Variants in ITGAM observed in about 807,000 individuals in gnomAD.
The protein encoded by ITGAM is integrin subunit alpha M.
In ITGAM, 79 loss-of-function variants were observed where a neutral mutation model predicts 137.5. That is an observed-to-expected ratio of 0.57 (90% CI 0.48 to 0.69). The LOEUF is 0.69. Among genes scored for constraint, ITGAM ranks in the 30% least tolerant of loss-of-function variants. The pLI, the probability that ITGAM is intolerant of heterozygous loss-of-function variation, is 0.00. For missense variants in ITGAM, 1,343 were observed against 1,483.5 expected (o/e 0.91, Z 1.56); for synonymous variants, 583 against 592.3 (o/e 0.98, Z 0.23).
At position 31,321,565 on chromosome 16, in the gene ITGAM, A is replaced by G. The variant is rs1266167954; in HGVS notation, c.1940A>G (p.Glu647Gly). ...AATGATCAGGTGGTGAAAGGCAAGG[A>G]AGCCGGAGAGGTCAGAGTCTGCCTC... Reference protein sequence around the residue: ...ECNDQVVKGKEAGEVRVCLHV... With the variant: ...ECNDQVVKGKGAGEVRVCLHV... Residue 647 changes from glutamate (E) to glycine (G), a missense_variant, in exon 16 of 30, where the codon GAA becomes GGA. Coordinates refer to ENST00000544665, the MANE Select transcript of ITGAM (RefSeq NM_000632.4). 2 of 1,614,014 alleles carry G rather than the reference A, an allele frequency of 1.2e-6. No homozygotes were observed. Among genetic ancestry groups the G allele is most frequent in the Non-Finnish European group, 1.7e-6 (2 of 1,179,898 alleles).
At chr16:31,273,327 A>G (rs763142736) in intron 7 of ITGAM, 38 bp from the exon 8 acceptor site, 2 of 1,569,842 alleles carry the variant, frequency 1.3e-6, no homozygotes, top group South Asian at 2.4e-5. Flanking sequence ...TGTGTCATCT[A>G]CTTGCATTTG....
chr16:31,279,615 T>G (rs888176308), intron 12 of ITGAM, among the ~76,000 whole-genome samples: 6 of 152,244 alleles, frequency 3.9e-5, no homozygotes, highest in Non-Finnish European at 8.8e-5. Flanking sequence ...TTTGTTTAAG[T>G]TCTTTGTAGA....
At chr16:31,308,800 T>C in intron 14 of ITGAM, among the ~76,000 whole-genome samples, 1 of 152,056 alleles carries the variant, frequency 6.6e-6, no homozygotes. Flanking sequence ...GTGCTATAAA[T>C]TTCCCTCTAC....
intron 21 of ITGAM, 21 bp downstream of exon 21, chr16:31,325,643 C>G (rs963226314): frequency 1.3e-6 from 2 of 1,599,724 alleles, no homozygotes; most frequent in East Asian, 2.2e-5. Flanking sequence ...CTGGCTCCTC[C>G]CCTCCTTTTC....
rs1466841869 is a variant in ITGAM at position 31,324,012 on chromosome 16, C to CA, written c.2003-381dup. On this transcript the variant is annotated intron_variant, in intron 16 of 29. Transcript: ENST00000544665. This position sits in a 1 kb window ranked among gnomAD's most constrained non-coding sequence, Gnocchi z 4.5. ...TGGGCAAGAGAGTGAGATTCTGTCT[C>CA]AAAAAAGAAAATAAAAAATAAAAAG... 7.4e-6 allele frequency among the ~76,000 whole-genome samples: 1 copy of CA among 136,012 alleles called. No homozygotes were observed. The highest frequency in any genetic ancestry group is 2.1e-4 in the East Asian group (1 of 4,716). 89.2% of individuals were successfully genotyped at this position (136,012 alleles called of 152,430 possible).
At chr16:31,264,328 T>A (rs1447216533) in intron 2 of ITGAM, among the ~76,000 whole-genome samples, 1 of 151,980 alleles carries the variant, frequency 6.6e-6, no homozygotes, top group Admixed American at 6.6e-5. Flanking sequence ...ACACCTGTAA[T>A]CCCAGCTACT....
chr16:31,282,619 C>T (rs1018768357), intron 12 of ITGAM, among the ~76,000 whole-genome samples: 9 of 152,180 alleles, frequency 5.9e-5, no homozygotes, highest in East Asian at 3.9e-4. Flanking sequence ...TGTCTCTGCA[C>T]GTGAGATGGG....
At chr16:31,326,636 C>T (rs1343562114) in intron 21 of ITGAM, among the ~76,000 whole-genome samples, 1 of 152,016 alleles carries the variant, frequency 6.6e-6, no homozygotes, top group Non-Finnish European at 1.5e-5. Context: ...AGGCTGGTCT[C>T]GAACTCCTGA....
At chr16:31,261,110 G>A (rs1294291999) in intron 1 of ITGAM, among the ~76,000 whole-genome samples, 1 of 152,068 alleles carries the variant, frequency 6.6e-6, no homozygotes, top group Non-Finnish European at 1.5e-5. Context: ...AACAGAGCTG[G>A]ACCTGGGAGG....
intron 14 of ITGAM, among the ~76,000 whole-genome samples, chr16:31,298,395 GCACA>G (rs141373360): frequency 2.0e-5 from 3 of 150,938 alleles, no homozygotes; most frequent in Non-Finnish European, 4.4e-5. Context: ...GCGTGCACGT[GCACA>G]CACACACACA....
At chr16:31,267,173 C>T (rs890210700) in intron 5 of ITGAM, among the ~76,000 whole-genome samples, 6 of 152,180 alleles carry the variant, frequency 3.9e-5, no homozygotes, top group African/African-American at 1.4e-4. Context: ...GCATGAGCCA[C>T]CATGCCTGGC....
At chr16:31,290,822 T>C (rs571830055) in intron 12 of ITGAM, among the ~76,000 whole-genome samples, 27 of 152,190 alleles carry the variant, frequency 1.8e-4, no homozygotes, top group African/African-American at 6.5e-4. Context: ...TACAATTGCA[T>C]GGAAAATTCC....
At chr16:31,277,182 C>T (rs2079916675) in intron 11 of ITGAM, 133 bp downstream of exon 11, 1 of 779,602 alleles carries the variant, frequency 1.3e-6, no homozygotes. Context: ...CTTGGGATAG[C>T]TTTAAAGACA....
At chr16:31,319,397 C>T (rs1203547947) in intron 14 of ITGAM, among the ~76,000 whole-genome samples, 1 of 152,040 alleles carries the variant, frequency 6.6e-6, no homozygotes, top group African/African-American at 2.4e-5. Context: ...GTTGTAACTC[C>T]TGGTGAAATG....
intron 8 of ITGAM, among the ~76,000 whole-genome samples, chr16:31,274,077 G>A (rs1379093709): frequency 1.3e-5 from 2 of 152,178 alleles, no homozygotes; most frequent in Non-Finnish European, 2.9e-5. Flanking sequence ...GGTCCATGCA[G>A]GTTTGTGTTT....
intron 2 of ITGAM, among the ~76,000 whole-genome samples, chr16:31,262,160 G>A (rs963525084): frequency 3.9e-5 from 6 of 152,242 alleles, no homozygotes; most frequent in East Asian, 1.9e-4. Context: ...GCAGGCTGCC[G>A]CCTATTTTTG....
rs117751403 is a variant in ITGAM, at chr16:31,323,485, C to G, written c.2003-914C>G. ...AAGACATCAAGATTCTTTACAAAAT[C>G]AAAGCAGGATAAATATGAAGGACAT... On this transcript the variant is annotated intron_variant, in intron 16 of 29. Transcript: ENST00000544665. Among the ~76,000 whole-genome samples the G allele has an allele frequency of 9.4e-5, 14 of 148,716 alleles. No individual in the cohort carries two copies. In the East Asian group the frequency reaches 2.5e-3, roughly 27 times the overall value.
At chr16:31,311,376 A>T (rs2080328776) in intron 14 of ITGAM, among the ~76,000 whole-genome samples, 1 of 152,222 alleles carries the variant, frequency 6.6e-6, no homozygotes. Flanking sequence ...AATTTTTGCA[A>T]CCTACTCATC....
At chr16:31,302,093 GTGT>G (rs922269550) in intron 14 of ITGAM, among the ~76,000 whole-genome samples, 6 of 152,046 alleles carry the variant, frequency 3.9e-5, no homozygotes, top group African/African-American at 1.2e-4. Context: ...TTTCAAAGTG[GTGT>G]TGTAGCTACC....
Sources: allele counts gnomAD v4.1 joint callset (sites outside exome capture counted in the v4.1 genomes callset), GRCh38; gene constraint gnomAD v4.1.1; non-coding constraint Gnocchi (gnomAD v3.1); transcripts MANE v1.5; gene names NCBI Gene and HGNC (gene_info 2026-07-23, HGNC 2026-07-21).